The following LUZP2 variants were observed in gnomAD, a reference collection of about 807,000 sequenced individuals.
LUZP2 encodes the protein leucine zipper protein 2.
A neutral mutation model predicts 51.6 loss-of-function variants in LUZP2; 52 were observed. The observed-to-expected ratio is 1.01, with a 90% CI of 0.81 to 1.27. The LOEUF is 1.27. Ranked by LOEUF, LUZP2 falls within the 50% of genes most tolerant of loss-of-function variation. The pLI is 0.00. For missense variants in LUZP2, 436 were observed against 395.4 expected (o/e 1.10, Z -0.87); for synonymous variants, 154 against 137.3 (o/e 1.12, Z -0.85).
At chr11:24,505,210 C>G (rs771902177) in intron 1 of LUZP2, among the ~76,000 whole-genome samples, 2 of 152,066 alleles carry the variant, frequency 1.3e-5, no homozygotes, top group Admixed American at 6.6e-5. Flanking sequence ...GGTTTCTGAC[C>G]TTCAGATTCT....
Position 24,629,476 on chromosome 11 carries a change from A to G in LUZP2, c.63-99693A>G, listed in dbSNP as rs529300896. Reference sequence around the variant, plus strand: ...ATATGCATTATACATTATACATTATATATATATTCCATTGCATATATATAT... The same window carrying G: ...ATATGCATTATACATTATACATTATGTATATATTCCATTGCATATATATAT... On this transcript the variant is annotated intron_variant, in intron 1 of 11. Transcript: ENST00000336930. 1.1e-4 allele frequency among the ~76,000 whole-genome samples: 17 copies of G among 148,134 alleles called. No individual in the cohort carries two copies. The South Asian group carries it at 3.6e-3, about 31-fold the overall frequency.
chr11:24,692,592 C>A (rs1857109861), intron 1 of LUZP2, among the ~76,000 whole-genome samples: 2 of 151,914 alleles, frequency 1.3e-5, no homozygotes, highest in Admixed American at 1.3e-4. Flanking sequence ...ATCTCTGCAG[C>A]ATATTTAGTG....
intron 1 of LUZP2, among the ~76,000 whole-genome samples, chr11:24,695,527 A>G (rs1015525581): frequency 1.3e-5 from 2 of 152,076 alleles, no homozygotes; most frequent in Non-Finnish European, 2.9e-5. Context: ...ACGGTTGACT[A>G]TAGTCACCTT....
chr11:24,991,368 G>GTA (rs1170222494), intron 9 of LUZP2, among the ~76,000 whole-genome samples: 3 of 124,452 alleles, frequency 2.4e-5, no homozygotes, highest in African/African-American at 8.7e-5. Flanking sequence ...ATATGTGTGT[G>GTA]TATATATATG....
At chr11:24,798,965 G>C (rs762717640) in intron 5 of LUZP2, among the ~76,000 whole-genome samples, 1 of 152,108 alleles carries the variant, frequency 6.6e-6, no homozygotes, top group African/African-American at 2.4e-5. Flanking sequence ...GCTACTAAGA[G>C]AAAAGGAGTT....
chr11:24,618,195 A>C (rs1411188247), intron 1 of LUZP2, among the ~76,000 whole-genome samples: 2 of 152,272 alleles, frequency 1.3e-5, no homozygotes, highest in African/African-American at 4.8e-5. Flanking sequence ...CCGAATCTCC[A>C]CTAGGCCACA....
intron 1 of LUZP2, among the ~76,000 whole-genome samples, chr11:24,533,403 TATTC>T (rs1295949605): frequency 2.6e-4 from 39 of 151,526 alleles, no homozygotes; most frequent in African/African-American, 9.2e-4. Flanking sequence ...GATATTTTCA[TATTC>T]ATTTATTTAT....
intron 1 of LUZP2, among the ~76,000 whole-genome samples, chr11:24,572,129 G>C (rs981574604): frequency 6.6e-6 from 1 of 151,966 alleles, no homozygotes; most frequent in Non-Finnish European, 1.5e-5. Flanking sequence ...ATAGTGAAGT[G>C]ATGATGTCAG....
chr11:24,883,942 C>T (rs184293137), intron 5 of LUZP2, among the ~76,000 whole-genome samples: 2 of 151,980 alleles, frequency 1.3e-5, no homozygotes, highest in African/African-American at 4.8e-5. Flanking sequence ...CTTAATTACT[C>T]TAGTCCCTCA....
At chr11:25,020,208 T>C (rs946164249) in intron 9 of LUZP2, among the ~76,000 whole-genome samples, 1 of 152,132 alleles carries the variant, frequency 6.6e-6, no homozygotes, top group Non-Finnish European at 1.5e-5. Context: ...AAGGATGATT[T>C]TACTTTGGGG....
intron 5 of LUZP2, among the ~76,000 whole-genome samples, chr11:24,783,138 A>G (rs565362112): frequency 6.6e-6 from 1 of 152,204 alleles, no homozygotes; most frequent in South Asian, 2.1e-4. Flanking sequence ...CTTTGTAACT[A>G]TCACAAGCAC....
At chr11:24,759,924 C>A (rs183655780) in intron 4 of LUZP2, among the ~76,000 whole-genome samples, 52 of 152,160 alleles carry the variant, frequency 3.4e-4, no homozygotes, top group African/African-American at 1.2e-3. Flanking sequence ...AGAACAAGTG[C>A]CCCTGGTGGT....
At chr11:24,693,557 A>C (rs986511906) in intron 1 of LUZP2, among the ~76,000 whole-genome samples, 1 of 151,998 alleles carries the variant, frequency 6.6e-6, no homozygotes, top group African/African-American at 2.4e-5. Context: ...TCACACAAAG[A>C]AAGTTTAAAA....
chr11:24,497,231 G>A lies in LUZP2; in HGVS notation c.-13G>A. 6 of 1,530,792 alleles carry A rather than the reference G, an allele frequency of 3.9e-6. No individual in the cohort carries two copies. The highest frequency in any genetic ancestry group is 5.3e-6 in the Non-Finnish European group (6 of 1,134,610). The allele number at this position is 1,530,792 out of a possible 1,614,324, so 94.8% of individuals were successfully genotyped here. On this transcript the variant is annotated 5_prime_UTR_variant, in exon 1 of 12. Transcript: ENST00000336930. Reference sequence around the variant, plus strand: ...AAGGCAGCGAGGGAAGGAGGACCCCGGCAGGCAGCAGCATGAAATTCAGCC... The same window carrying A: ...AAGGCAGCGAGGGAAGGAGGACCCCAGCAGGCAGCAGCATGAAATTCAGCC...
intron 1 of LUZP2, among the ~76,000 whole-genome samples, chr11:24,552,144 T>C (rs1050257185): frequency 2.0e-5 from 3 of 152,054 alleles, no homozygotes; most frequent in African/African-American, 7.2e-5. Flanking sequence ...AAAACTGGCC[T>C]ATTTTCTTCC....
chr11:24,664,079 G>A (rs755601845), intron 1 of LUZP2, among the ~76,000 whole-genome samples: 2 of 152,154 alleles, frequency 1.3e-5, no homozygotes, highest in East Asian at 1.9e-4. Flanking sequence ...ATGTGGAAGC[G>A]ATTTTGGAAC....
At chr11:24,963,773 T>C (rs1017010164) in intron 7 of LUZP2, among the ~76,000 whole-genome samples, 3 of 152,126 alleles carry the variant, frequency 2.0e-5, no homozygotes, top group East Asian at 1.9e-4. Context: ...CTGCATCCAC[T>C]GACCTGCGCC....
intron 5 of LUZP2, among the ~76,000 whole-genome samples, chr11:24,805,343 G>A (rs1849822126): frequency 6.6e-6 from 1 of 152,056 alleles, no homozygotes; most frequent in African/African-American, 2.4e-5. Context: ...CAACAAATGG[G>A]AACTGTGGGA....
intron 5 of LUZP2, among the ~76,000 whole-genome samples, chr11:24,844,138 G>A (rs1851123103): frequency 6.6e-6 from 1 of 152,158 alleles, no homozygotes. Context: ...AAAAATGTGG[G>A]AAAGTTTGAA....
Sources: gnomAD v4.1 joint callset for allele counts (sites outside exome capture counted in the v4.1 genomes callset) on GRCh38, gnomAD v4.1.1 for gene constraint, MANE v1.5 for transcripts, NCBI Gene and HGNC (gene_info 2026-07-23, HGNC 2026-07-21) for gene names.